Variants in ADAMTS2 observed in about 807,000 individuals in gnomAD.
ADAMTS2 encodes ADAM metallopeptidase with thrombospondin type 1 motif 2.
Under a neutral mutation model 123.0 loss-of-function variants are expected in ADAMTS2, and 50 were observed. That is an observed-to-expected ratio of 0.41 (90% confidence interval 0.32 to 0.51). The LOEUF is 0.51. Among genes scored for constraint, ADAMTS2 ranks in the 20% least tolerant of loss-of-function variants. The pLI is 0.35. For synonymous variants in ADAMTS2, 678 were observed against 695.4 expected (o/e 0.98, Z 0.39); for missense variants, 1,494 against 1,705.2 (o/e 0.88, Z 2.18).
intron 5 of ADAMTS2, among the ~76,000 whole-genome samples, chr5:179,172,341 A>AAG: frequency 6.6e-6 from 1 of 152,242 alleles, no homozygotes; most frequent in East Asian, 1.9e-4. Context: ...CCAAAAGTGG[A>AAG]AGTGGGGCCC....
Position 179,225,427 on chromosome 5 carries a change from G to A in ADAMTS2, c.689-17712C>T, listed in dbSNP as rs1212320911. ...AAGGGCTCCACCCTCACGGACCTAT[G>A]TGAGGACAGGCACTCTTGCCTTTGT... On this transcript the variant is annotated intron_variant, in intron 3 of 21. Transcript: ENST00000251582. The surrounding 1 kb of genome is among the most constrained non-coding windows in gnomAD (Gnocchi z 4.5). 6.6e-6 allele frequency among the ~76,000 whole-genome samples: 1 copy of A among 152,186 alleles called. No homozygotes were observed. Among genetic ancestry groups the A allele is most frequent in the Non-Finnish European group, 1.5e-5 (1 of 68,042 alleles).
rs1217586662 is a variant in ADAMTS2, at chr5:179,256,804, T to C, written c.688+16107A>G. 6.6e-6 allele frequency among the ~76,000 whole-genome samples: 1 copy of C among 152,246 alleles called. No homozygotes were observed. ...GATTTTCATGTGAAACCTCCTGATTTTTAAGTGTACACTCAACATTTCTGA... is the reference window on the plus strand; with the variant it reads ...GATTTTCATGTGAAACCTCCTGATTCTTAAGTGTACACTCAACATTTCTGA... On this transcript the variant is annotated intron_variant, in intron 3 of 21. Coordinates refer to ENST00000251582, the MANE Select transcript of ADAMTS2 (RefSeq NM_014244.5). This position sits in a 1 kb window ranked among gnomAD's most constrained non-coding sequence, Gnocchi z 4.1.
At chr5:179,344,969 C>T (rs1256406952) in intron 1 of ADAMTS2, among the ~76,000 whole-genome samples, 4 of 152,006 alleles carry the variant, frequency 2.6e-5, no homozygotes, top group Non-Finnish European at 5.9e-5. Context: ...TCAGGAGCCG[C>T]CAGTGCTCCG....
chr5:179,178,349 C>G (rs2113306149), intron 5 of ADAMTS2, among the ~76,000 whole-genome samples: 1 of 152,288 alleles, frequency 6.6e-6, no homozygotes. Flanking sequence ...CTGTGTGGTC[C>G]AAAGCCCCCT....
At position 179,295,107 on chromosome 5, in the gene ADAMTS2, G is replaced by T. The variant is rs577356778; in HGVS notation, c.535-22043C>A. On this transcript the variant is annotated intron_variant, in intron 2 of 21. Transcript: ENST00000251582. ...GGTTTGTCTGTCATCCTCAGAGCCT[G>T]AGAGCATCTGGCACCAGGCCTGGCT... is the stretch of plus-strand genomic sequence containing the variant. Among the ~76,000 whole-genome samples, 8 of 152,372 alleles carry T rather than the reference G, an allele frequency of 5.3e-5. No individual in the cohort carries two copies. In the South Asian group the frequency reaches 1.7e-3, roughly 32 times the overall value.
At chr5:179,125,301 C>G in intron 18 of ADAMTS2, 121 bp from the exon 19 acceptor site, 2 of 832,080 alleles carry the variant, frequency 2.4e-6, no homozygotes, top group Non-Finnish European at 4.0e-6. Flanking sequence ...CAGCCTGCAC[C>G]CCTCCCCGGT....
rs994138056 is a variant in ADAMTS2 at position 179,118,990 on chromosome 5, T to C, written c.3178+2671A>G. ...TTCTCATTTCTCAGTAAAGGAGTGG[T>C]AGGCTCAGACACCCATGCCAACATT... is the stretch of plus-strand genomic sequence containing the variant. On this transcript the variant is annotated intron_variant, in intron 21 of 21. Coordinates refer to ENST00000251582, the MANE Select transcript of ADAMTS2 (RefSeq NM_014244.5). The surrounding 1 kb of genome is among the most constrained non-coding windows in gnomAD (Gnocchi z 4.5). Among the ~76,000 whole-genome samples, 2 of 152,194 alleles carry C rather than the reference T, an allele frequency of 1.3e-5. No homozygotes were observed. The highest frequency in any genetic ancestry group is 2.1e-4 in the South Asian group (1 of 4,828).
At chr5:179,246,392 ATGTATT>A (rs745784030) in intron 3 of ADAMTS2, among the ~76,000 whole-genome samples, 10 of 152,312 alleles carry the variant, frequency 6.6e-5, no homozygotes, top group Non-Finnish European at 1.2e-4. Context: ...TTAAAGGTAA[ATGTATT>A]AGCTGCAGAC....
Position 179,112,830 on chromosome 5 carries a change from G to A in ADAMTS2, c.*1037C>T, listed in dbSNP as rs1413257163. 2 of 152,278 alleles carry A rather than the reference G, an allele frequency of 1.3e-5. No individual in the cohort carries two copies. 9.4% of individuals were successfully genotyped at this position (152,278 alleles called of 1,614,324 possible). ...GCTCTCTGGGGAGCCCTGGAGCCAA[G>A]GTGGCCAGGGAAGAATGCAGGAGCT... On this transcript the variant is annotated 3_prime_UTR_variant, in exon 22 of 22. Transcript: ENST00000251582.
At chr5:179,221,738 C>A (rs542188236) in intron 3 of ADAMTS2, among the ~76,000 whole-genome samples, 2 of 152,100 alleles carry the variant, frequency 1.3e-5, no homozygotes, top group Non-Finnish European at 2.9e-5. Context: ...AGAGGTGATG[C>A]AATGCTCACC....
rs34487269 is a variant in ADAMTS2 at position 179,309,757 on chromosome 5, C to CAAAAAAA, written c.534+34003_534+34009dup. Among the ~76,000 whole-genome samples, 65 of 44,450 alleles carry CAAAAAAA rather than the reference C, an allele frequency of 1.5e-3. 2 individuals carry two copies. The highest frequency in any genetic ancestry group is 2.1e-3 in the Non-Finnish European group (49 of 22,870). 29.2% of individuals were successfully genotyped at this position (44,450 alleles called of 152,430 possible). ...GGGCAACACAGCAAGACTCAGTCTC[C>CAAAAAAA]AAAAAAAAAAAAAAAAAAAAAAAAA... On this transcript the variant is annotated intron_variant, in intron 2 of 21. Transcript: ENST00000251582.
At chr5:179,255,693 G>A (rs114751054) in intron 3 of ADAMTS2, among the ~76,000 whole-genome samples, 5,653 of 152,252 alleles carry the variant, frequency 0.037, 142 homozygotes, top group Non-Finnish European at 0.06. Context: ...TTATGGCCTG[G>A]CTGGGGCCCG....
intron 3 of ADAMTS2, among the ~76,000 whole-genome samples, chr5:179,267,388 G>A (rs898143233): frequency 3.3e-5 from 5 of 152,234 alleles, no homozygotes; most frequent in African/African-American, 7.2e-5. Context: ...TCGTCTGCCC[G>A]TCAGGGAGGA....
Position 179,291,596 on chromosome 5 carries a change from T to A in ADAMTS2, c.535-18532A>T, listed in dbSNP as rs948427880. ...GTCATTCTGCCTGCTGGTGGCAGAG[T>A]GTGGAAGGCGGGAGTGTGCCCACCA... On this transcript the variant is annotated intron_variant, in intron 2 of 21. Transcript: ENST00000251582. 3.3e-5 allele frequency among the ~76,000 whole-genome samples: 5 copies of A among 152,026 alleles called. No homozygotes were observed. The East Asian group carries it at 9.7e-4, about 29-fold the overall frequency.
chr5:179,181,135 G>A lies in ADAMTS2; in HGVS notation c.912C>T (p.Asp304=), dbSNP rs147197558. 3.1e-5 allele frequency: 50 copies of A among 1,613,666 alleles called. No homozygotes were observed. In the African/African-American group the frequency reaches 4.1e-4, roughly 13 times the overall value. ...LMNIVNEIYH[D]ESLGAHINVV... ...CGTTGATGTGGGCACCCAAGGACTCGTCATGGTAGATTTCATTGACCTGAA... is the reference window on the plus strand; with the variant it reads ...CGTTGATGTGGGCACCCAAGGACTCATCATGGTAGATTTCATTGACCTGAA... The change falls in exon 5 of 22, where the codon GAC becomes GAT. Residue 304 remains aspartate (D), a synonymous_variant. Transcript: ENST00000251582. The surrounding 1 kb of genome is among the most constrained non-coding windows in gnomAD (Gnocchi z 4.1).
Position 179,313,170 on chromosome 5 carries a change from G to A in ADAMTS2, c.534+30597C>T, listed in dbSNP as rs536379817. ...CCTTACCGGGGCTCCCTCCTCAGGA[G>A]TGGCCTGTGAAGAGGGGACGCACAC... is the stretch of plus-strand genomic sequence containing the variant. On this transcript the variant is annotated intron_variant, in intron 2 of 21. Transcript: ENST00000251582. Among the ~76,000 whole-genome samples the A allele has an allele frequency of 2.0e-5, 3 of 152,384 alleles. No individual in the cohort carries two copies. In the East Asian group the frequency reaches 5.8e-4, roughly 29 times the overall value.
At chr5:179,243,326 A>G (rs1246232308) in intron 3 of ADAMTS2, among the ~76,000 whole-genome samples, 3 of 152,204 alleles carry the variant, frequency 2.0e-5, no homozygotes, top group Non-Finnish European at 4.4e-5. Flanking sequence ...TCCCTCAATT[A>G]GTGAAGCCTA....
Position 179,132,644 on chromosome 5 carries a change from T to G in ADAMTS2, c.2209+133A>C. Reference sequence around the variant, plus strand: ...TTAGGATTCTCCCTCCCCCTCAGTGTCACAGACCTCTCCCCCTCCCCAGAA... The same window carrying G: ...TTAGGATTCTCCCTCCCCCTCAGTGGCACAGACCTCTCCCCCTCCCCAGAA... On this transcript the variant is annotated intron_variant, in intron 14 of 21. Transcript: ENST00000251582. The surrounding 1 kb of genome is among the most constrained non-coding windows in gnomAD (Gnocchi z 6.1). The G allele has an allele frequency of 8.0e-7, 1 of 1,250,038 alleles. No homozygotes were observed. The highest frequency in any genetic ancestry group is 1.1e-6 in the Non-Finnish European group (1 of 888,958). 77.4% of individuals were successfully genotyped at this position (1,250,038 alleles called of 1,614,324 possible).
intron 3 of ADAMTS2, among the ~76,000 whole-genome samples, chr5:179,222,380 G>A (rs1295336050): frequency 2.0e-5 from 3 of 152,198 alleles, no homozygotes; most frequent in African/African-American, 7.2e-5. Context: ...CAGCCTCACA[G>A]GGCCTTTCCT....
Sources: gnomAD v4.1 joint callset for allele counts (sites outside exome capture counted in the v4.1 genomes callset) on GRCh38, gnomAD v4.1.1 for gene constraint, Gnocchi (gnomAD v3.1) non-coding constraint, MANE v1.5 for transcripts, NCBI Gene and HGNC (gene_info 2026-07-23, HGNC 2026-07-21) for gene names.